Variants in CACNA1D observed in about 807,000 individuals in gnomAD.
The protein encoded by CACNA1D is voltage-dependent L-type calcium channel subunit alpha-1D.
A neutral mutation model predicts 257.1 loss-of-function variants in CACNA1D; 55 were observed. The ratio of observed to expected loss-of-function variants is 0.21; its 90% CI spans 0.17 to 0.27. The LOEUF (loss-of-function observed/expected upper bound fraction) is 0.27. CACNA1D is among the 10% of genes least tolerant of loss of function. The probability of loss-of-function intolerance (pLI) is 1.00; values close to 1 mark genes in which losing one functional copy is unlikely to be tolerated. For synonymous variants in CACNA1D, 980 were observed against 1,014.9 expected, an observed-to-expected ratio of 0.97 and a Z score of 0.65; for missense variants, 1,876 against 2,784.0, an observed-to-expected ratio of 0.67 and a Z score of 7.34.
At chr3:53,691,687 T>TACA (rs1291382666) in intron 8 of CACNA1D, among the ~76,000 whole-genome samples, 5,087 of 118,260 alleles carry the variant, frequency 0.043, 300 homozygotes, top group Non-Finnish European at 0.054. Context: ...ATATATATAT[T>TACA]GCAGATATAT....
chr3:53,756,541 C>G (rs1358885488), intron 29 of CACNA1D, among the ~76,000 whole-genome samples: 2 of 152,188 alleles, frequency 1.3e-5, no homozygotes, highest in South Asian at 4.1e-4. Flanking sequence ...TGTGGGTTCC[C>G]GAAGGGAAAG....
chr3:53,811,307 G>T lies in CACNA1D; in HGVS notation c.6387G>T (p.Glu2129Asp). The change falls in exon 48 of 48, where the codon GAG becomes GAT. Residue 2129 changes from glutamate to aspartate, a missense_variant. Around this residue, in one of 10 missense-constraint regions of CACNA1D, gnomAD observed 491 missense variants for 554.3 expected, o/e 0.89. Coordinates refer to ENST00000350061, the MANE Select transcript of CACNA1D (RefSeq NM_001128840.3). This position sits in a 1 kb window ranked among gnomAD's most constrained non-coding sequence, Gnocchi z 4.2. ...CCCTCTCACACCGGCAGGACTATGA[G>T]CTACAGGACTTTGGTCCTGGCTACA... is the stretch of plus-strand genomic sequence containing the variant. The part of the protein sequence containing the change: ...VGPLSHRQDY[E>D]LQDFGPGYSD... 1 of 1,613,312 alleles carries T rather than the reference G, an allele frequency of 6.2e-7. No individual in the cohort carries two copies. Among genetic ancestry groups the T allele is most frequent in the South Asian group, 1.1e-5 (1 of 91,046 alleles).
At chr3:53,797,924 A>G (rs903184754) in intron 40 of CACNA1D, 2 of 152,214 alleles carry the variant, frequency 1.3e-5, no homozygotes, top group African/African-American at 4.8e-5. Flanking sequence ...AGTGCATTAT[A>G]ACCTATGTTT....
intron 3 of CACNA1D, among the ~76,000 whole-genome samples, chr3:53,534,418 T>C (rs2092050299): frequency 1.3e-5 from 2 of 152,248 alleles, no homozygotes; most frequent in Admixed American, 6.5e-5. Flanking sequence ...CCCACTTCTC[T>C]TGGTCTCCCT....
intron 28 of CACNA1D, among the ~76,000 whole-genome samples, chr3:53,752,871 A>G (rs963739346): frequency 3.9e-5 from 6 of 152,366 alleles, no homozygotes; most frequent in Non-Finnish European, 8.8e-5. Flanking sequence ...CAGTGGGGGC[A>G]AGAAATGCAA....
chr3:53,496,844 A>G (rs1328121154), intron 1 of CACNA1D, among the ~76,000 whole-genome samples: 1 of 152,156 alleles, frequency 6.6e-6, no homozygotes, highest in African/African-American at 2.4e-5. Context: ...GAATGACCTC[A>G]GTTTTGTCAG....
rs887655708 is a variant in CACNA1D at position 53,770,413 on chromosome 3, T to C, written c.3916-11T>C. 1.2e-6 allele frequency: 2 copies of C among 1,613,434 alleles called. No homozygotes were observed. The highest frequency in any genetic ancestry group is 2.7e-5 in the African/African-American group (2 of 74,918). ...TCCATTGGGTTTGACCTCTCCATGA[T>C]AACCCTTCAGAACTCTGAAGAGAGC... On this transcript the variant is annotated splice_polypyrimidine_tract_variant and intron_variant, in intron 31 of 47. Coordinates refer to ENST00000350061, the MANE Select transcript of CACNA1D (RefSeq NM_001128840.3).
At chr3:53,707,826 T>G (rs2108620644) in intron 9 of CACNA1D, among the ~76,000 whole-genome samples, 1 of 152,312 alleles carries the variant, frequency 6.6e-6, no homozygotes, top group African/African-American at 2.4e-5. Context: ...TGAAATCATT[T>G]TAAAGGGAGC....
At chr3:53,737,572 C>G (rs547261867) in intron 20 of CACNA1D, among the ~76,000 whole-genome samples, 1 of 152,266 alleles carries the variant, frequency 6.6e-6, no homozygotes, top group East Asian at 1.9e-4. Context: ...CCTGTAATCC[C>G]AGTACTTTGG....
intron 27 of CACNA1D, among the ~76,000 whole-genome samples, chr3:53,750,919 A>G (rs1022560923): frequency 6.6e-6 from 1 of 152,108 alleles, no homozygotes; most frequent in African/African-American, 2.4e-5. Flanking sequence ...CAGCCCCACT[A>G]CCCAGAGTAA....
At chr3:53,718,443 G>A in intron 10 of CACNA1D, 55 bp downstream of exon 10, 1 of 1,545,858 alleles carries the variant, frequency 6.5e-7, no homozygotes, top group Non-Finnish European at 8.9e-7. Context: ...AGAGAAGCAG[G>A]TGGTGAGGAA....
chr3:53,707,255 C>G (rs2094700006), intron 9 of CACNA1D, among the ~76,000 whole-genome samples: 1 of 152,048 alleles, frequency 6.6e-6, no homozygotes, highest in African/African-American at 2.4e-5. Flanking sequence ...ATGCCATACT[C>G]CACCCTCTAA....
chr3:53,536,279 T>C (rs971582851), intron 3 of CACNA1D, among the ~76,000 whole-genome samples: 5 of 152,226 alleles, frequency 3.3e-5, no homozygotes, highest in Non-Finnish European at 5.9e-5. Flanking sequence ...GTCAAAGATT[T>C]TTCTCTTACC....
In CACNA1D at chr3:53,684,348, A is replaced by G. The variant is rs140984895; in HGVS notation, c.1220+11222A>G. Among the ~76,000 whole-genome samples, 4 of 152,338 alleles carry G rather than the reference A, an allele frequency of 2.6e-5. No individual in the cohort carries two copies. In the East Asian group the frequency reaches 5.8e-4, roughly 22 times the overall value. On this transcript the variant is annotated intron_variant, in intron 8 of 47. Coordinates refer to ENST00000350061, the MANE Select transcript of CACNA1D (RefSeq NM_001128840.3). ...TTAAAAACGAGGAGCATGGCCGGGC[A>G]CGGTGGCTTACACCTCTAATCCCAG...
intron 3 of CACNA1D, among the ~76,000 whole-genome samples, chr3:53,519,405 C>T (rs1443127939): frequency 6.6e-6 from 1 of 152,156 alleles, no homozygotes; most frequent in African/African-American, 2.4e-5. Context: ...GAGGGAGCTT[C>T]ATCCTTGCTG....
intron 3 of CACNA1D, among the ~76,000 whole-genome samples, chr3:53,644,309 A>T (rs569762292): frequency 5.3e-5 from 8 of 152,254 alleles, no homozygotes; most frequent in African/African-American, 1.9e-4. Flanking sequence ...TCACATGCTT[A>T]TTTTTTTGTG....
At chr3:53,627,889 T>G (rs2093778114) in intron 3 of CACNA1D, among the ~76,000 whole-genome samples, 1 of 152,042 alleles carries the variant, frequency 6.6e-6, no homozygotes. Context: ...GGTAGGCATC[T>G]GTAATCCCAG....
chr3:53,743,037 C>G lies in CACNA1D; in HGVS notation c.2838C>G (p.His946Gln). Residue 946 changes from histidine to glutamine, a missense_variant, in exon 22 of 48, where the codon CAC becomes CAG. His to Gln is a conservative substitution (Grantham distance 24, BLOSUM62 0). Transcript: ENST00000350061. Reference protein sequence around the residue: ...LKMTTFGAFLHKGAFCRNYFN... With the variant: ...LKMTTFGAFLQKGAFCRNYFN... ...TGACAACTTTTGGAGCTTTCCTCCA[C>G]AAAGGGGCCTTCTGCAGGAACTACT... 1 of 1,613,138 alleles carries G rather than the reference C, an allele frequency of 6.2e-7. No individual in the cohort carries two copies. Among genetic ancestry groups the G allele is most frequent in the Non-Finnish European group, 8.5e-7 (1 of 1,179,080 alleles).
intron 3 of CACNA1D, among the ~76,000 whole-genome samples, chr3:53,576,485 A>G (rs769518951): frequency 6.6e-6 from 1 of 152,224 alleles, no homozygotes. Context: ...TAAGAACACA[A>G]GAATCTCCAT....
Sources: gnomAD v4.1 joint callset for allele counts (sites outside exome capture counted in the v4.1 genomes callset) on GRCh38, gnomAD v4.1.1 for gene constraint, gnomAD v4.1.1 regional missense constraint, Gnocchi (gnomAD v3.1) non-coding constraint, MANE v1.5 for transcripts, NCBI Gene and HGNC (gene_info 2026-07-23, HGNC 2026-07-21) for gene names.